Variants in CYP2J2 observed in about 807,000 individuals in gnomAD.
CYP2J2 encodes cytochrome P450 2J2.
Under a neutral mutation model 48.8 loss-of-function variants are expected in CYP2J2, and 41 were observed. The observed-to-expected ratio is 0.84, with a 90% CI of 0.66 to 1.09. CYP2J2 has a LOEUF of 1.09. Ranked by LOEUF, CYP2J2 falls within the 50% of genes least tolerant of loss-of-function variation. The pLI, the probability that CYP2J2 is intolerant of heterozygous loss-of-function variation, is 0.00. For missense variants in CYP2J2, 644 were observed against 617.3 expected (o/e 1.04, Z -0.46); for synonymous variants, 221 against 227.1 (o/e 0.97, Z 0.24).
At chr1:59,896,426 T>C (rs949448375) in intron 8 of CYP2J2, among the ~76,000 whole-genome samples, 11 of 152,128 alleles carry the variant, frequency 7.2e-5, no homozygotes, top group African/African-American at 9.7e-5. Flanking sequence ...TCATTGTAGA[T>C]TACATCAGAT....
At chr1:59,909,678 T>C in intron 5 of CYP2J2, 106 bp downstream of exon 5, 3 of 759,456 alleles carry the variant, frequency 4.0e-6, no homozygotes, top group South Asian at 1.9e-5. Flanking sequence ...ATCTGTGCTA[T>C]TTTAGGCACC....
the CYP2J2 span, among the ~76,000 whole-genome samples, chr1:59,964,240 C>T: frequency 6.6e-6 from 1 of 152,184 alleles, no homozygotes; most frequent in Admixed American, 6.5e-5. Context: ...ATGCAATCAC[C>T]TTTCTGGAAT....
At chr1:59,898,006 C>A (rs148916074) in intron 8 of CYP2J2, among the ~76,000 whole-genome samples, 5 of 152,146 alleles carry the variant, frequency 3.3e-5, no homozygotes, top group African/African-American at 4.8e-5. Context: ...TTTAAATGGT[C>A]CTCATCCTAT....
At chr1:59,945,741 A>G in the CYP2J2 span, among the ~76,000 whole-genome samples, 1 of 152,312 alleles carries the variant, frequency 6.6e-6, no homozygotes, top group Admixed American at 6.5e-5. Flanking sequence ...ATAGGTTCCT[A>G]TCAAACCTGC....
chr1:59,938,988 A>G, the CYP2J2 span, among the ~76,000 whole-genome samples: 1 of 152,238 alleles, frequency 6.6e-6, no homozygotes, highest in Non-Finnish European at 1.5e-5. Context: ...CCTTGATTCT[A>G]TACAATGCAT....
chr1:59,910,343 A>T (rs541767186), intron 4 of CYP2J2, among the ~76,000 whole-genome samples: 20 of 152,318 alleles, frequency 1.3e-4, no homozygotes, highest in Non-Finnish European at 2.8e-4. Context: ...ATATTTATGT[A>T]TCAAATAATT....
At chr1:59,949,404 C>T in the CYP2J2 span, among the ~76,000 whole-genome samples, 1 of 152,094 alleles carries the variant, frequency 6.6e-6, no homozygotes, top group Non-Finnish European at 1.5e-5. Context: ...TCCTTATGTT[C>T]CCTTTGACTA....
chr1:59,964,702 C>G, the CYP2J2 span, among the ~76,000 whole-genome samples: 1 of 152,236 alleles, frequency 6.6e-6, no homozygotes, highest in South Asian at 2.1e-4. Context: ...TAAAAGTTCA[C>G]AGTCTGATTA....
chr1:59,964,420 C>T, the CYP2J2 span, among the ~76,000 whole-genome samples: 2 of 152,138 alleles, frequency 1.3e-5, no homozygotes, highest in Non-Finnish European at 2.9e-5. Context: ...CCTGCTTTTT[C>T]GCATTTTATG....
chr1:59,905,536 T>C (rs2102115072), intron 6 of CYP2J2, among the ~76,000 whole-genome samples: 1 of 152,276 alleles, frequency 6.6e-6, no homozygotes, highest in Non-Finnish European at 1.5e-5. Context: ...GGCCCAAGTA[T>C]TCAACCCATA....
chr1:59,950,461 G>T, the CYP2J2 span, among the ~76,000 whole-genome samples: 8 of 152,170 alleles, frequency 5.3e-5, no homozygotes, highest in African/African-American at 1.9e-4. Context: ...CCTGACATTT[G>T]CTTCCCAGCT....
chr1:59,900,980 T>G lies in CYP2J2; in HGVS notation c.1315A>C (p.Met439Leu). The change falls in exon 8 of 9, where the codon ATG (methionine) becomes CTG (leucine). Residue 439 changes from methionine to leucine, a missense_variant. By Grantham distance (15) the Met-to-Leu change is conservative. Transcript: ENST00000371204. ...NGQFKKREAF[M>L]PFSIGKRACL... is the part of the protein sequence containing the mutation. ...TACAACTTACCTATTGAGAAAGGCATAAAGGCTTCCCTTTTCTTAAACTGT... is the reference window on the plus strand; with the variant it reads ...TACAACTTACCTATTGAGAAAGGCAGAAAGGCTTCCCTTTTCTTAAACTGT... 1 of 1,614,148 alleles carries G rather than the reference T, an allele frequency of 6.2e-7. No individual in the cohort carries two copies. Among genetic ancestry groups the G allele is most frequent in the Non-Finnish European group, 8.5e-7 (1 of 1,179,982 alleles).
intron 1 of CYP2J2, among the ~76,000 whole-genome samples, chr1:59,922,610 C>T (rs900039243): frequency 6.6e-6 from 1 of 151,908 alleles, no homozygotes; most frequent in Admixed American, 6.5e-5. Context: ...GTCATTTAAC[C>T]CCTCTTTTAA....
At chr1:59,901,262 AC>A (rs1644317755) in intron 7 of CYP2J2, among the ~76,000 whole-genome samples, 159 bp from the exon 8 acceptor site, 1 of 151,996 alleles carries the variant, frequency 6.6e-6, no homozygotes, top group Non-Finnish European at 1.5e-5. Flanking sequence ...CCAACCCAGG[AC>A]CCTTCTCTTT....
At position 59,901,048 on chromosome 1, in the gene CYP2J2, G is replaced by T. The variant is rs761449973; in HGVS notation, c.1247C>A (p.Ala416Asp). 2 of 1,614,026 alleles carry T rather than the reference G, an allele frequency of 1.2e-6. No homozygotes were observed. Among genetic ancestry groups the T allele is most frequent in the South Asian group, 2.2e-5 (2 of 91,072 alleles). The change falls in exon 8 of 9, where the codon GCC becomes GAC. Residue 416 changes from alanine (A) to aspartate (D), a missense_variant. Transcript: ENST00000371204. ...GTCCGGATTGAATGTGTCAGGGGTG[G>T]CCCACTCTGTGGGGTCCCTGTGCAG... Reference protein sequence around the residue: ...TALHRDPTEWATPDTFNPDHF... With the variant: ...TALHRDPTEWDTPDTFNPDHF...
intron 2 of CYP2J2, 23 bp from the exon 3 acceptor site, chr1:59,912,334 T>G: frequency 1.2e-6 from 2 of 1,603,588 alleles, no homozygotes; most frequent in African/African-American, 2.7e-5. Context: ...AAGTCAACAT[T>G]ACAGTATTCT....
At chr1:59,910,363 A>G (rs775866337) in intron 4 of CYP2J2, among the ~76,000 whole-genome samples, 5 of 152,164 alleles carry the variant, frequency 3.3e-5, no homozygotes, top group Non-Finnish European at 5.9e-5. Context: ...TGAGGTCTGT[A>G]ATTTGCTCCA....
intron 8 of CYP2J2, among the ~76,000 whole-genome samples, chr1:59,900,189 C>G (rs1644304811): frequency 6.6e-6 from 1 of 152,214 alleles, no homozygotes; most frequent in Non-Finnish European, 1.5e-5. Context: ...AGAATCCAAT[C>G]AAGTTAAGCC....
intron 1 of CYP2J2, among the ~76,000 whole-genome samples, chr1:59,917,389 T>C (rs886762022): frequency 4.6e-5 from 7 of 152,230 alleles, no homozygotes; most frequent in African/African-American, 1.7e-4. Flanking sequence ...TTTATCTCAT[T>C]AATCTCACAA....
Sources: gnomAD v4.1 joint callset for allele counts (sites outside exome capture counted in the v4.1 genomes callset) on GRCh38, gnomAD v4.1.1 for gene constraint, MANE v1.5 for transcripts, NCBI Gene and HGNC (gene_info 2026-07-23, HGNC 2026-07-21) for gene names.